The following CACNA2D3 variants were observed in gnomAD, a reference collection of about 807,000 sequenced individuals.
CACNA2D3 encodes calcium voltage-gated channel auxiliary subunit alpha2delta 3.
In CACNA2D3, 60 loss-of-function variants were observed where a neutral mutation model predicts 160.6. The ratio of observed to expected loss-of-function variants is 0.37; its 90% confidence interval spans 0.30 to 0.46. The LOEUF is 0.46. Ranked by LOEUF, CACNA2D3 falls within the 20% of genes least tolerant of loss-of-function variation. The pLI, the probability that CACNA2D3 is intolerant of heterozygous loss-of-function variation, is 1.00. For missense variants in CACNA2D3, 1,205 were observed against 1,365.0 expected, an observed-to-expected ratio of 0.88 and a Z score of 1.85; for synonymous variants, 558 against 492.9, an observed-to-expected ratio of 1.13 and a Z score of -1.75.
intron 4 of CACNA2D3, among the ~76,000 whole-genome samples, chr3:54,405,073 G>A (rs1218102237): frequency 6.7e-6 from 1 of 149,942 alleles, no homozygotes; most frequent in African/African-American, 2.5e-5. Context: ...TTGTTAAAAT[G>A]TCTATACTAT....
intron 5 of CACNA2D3, among the ~76,000 whole-genome samples, chr3:54,519,180 G>A (rs1701606273): frequency 6.6e-6 from 1 of 152,264 alleles, no homozygotes; most frequent in African/African-American, 2.4e-5. Flanking sequence ...TGTTGTGAAG[G>A]CCAGCCATTT....
intron 11 of CACNA2D3, among the ~76,000 whole-genome samples, chr3:54,701,201 C>T (rs913334028): frequency 5.9e-5 from 9 of 152,178 alleles, no homozygotes; most frequent in Admixed American, 2.0e-4. Flanking sequence ...TTTCTACCAA[C>T]TAAGATGTGT....
chr3:54,154,137 C>T (rs530320541), intron 2 of CACNA2D3, among the ~76,000 whole-genome samples: 22 of 152,318 alleles, frequency 1.4e-4, no homozygotes, highest in East Asian at 9.6e-4. Flanking sequence ...CTAATTTTAA[C>T]GCTCTTTTAC....
chr3:54,924,480 C>A, intron 27 of CACNA2D3: 1 of 679,142 alleles, frequency 1.5e-6, no homozygotes, highest in South Asian at 2.1e-5. Flanking sequence ...TTTGCCATAC[C>A]GTGAAATGGC....
chr3:54,934,207 C>T (rs1421771090), intron 27 of CACNA2D3, among the ~76,000 whole-genome samples: 2 of 152,154 alleles, frequency 1.3e-5, no homozygotes, highest in Non-Finnish European at 2.9e-5. Flanking sequence ...TTAAGGGAAC[C>T]TATAGTTGTA....
chr3:54,758,258 T>C (rs1318180349), intron 12 of CACNA2D3, among the ~76,000 whole-genome samples: 1 of 152,216 alleles, frequency 6.6e-6, no homozygotes, highest in African/African-American at 2.4e-5. Flanking sequence ...TGTGTACCTT[T>C]AGATTGTTTT....
chr3:54,215,434 T>A (rs988397723), intron 2 of CACNA2D3, among the ~76,000 whole-genome samples: 1 of 152,230 alleles, frequency 6.6e-6, no homozygotes, highest in Non-Finnish European at 1.5e-5. Flanking sequence ...ATCTCCAGAA[T>A]GTGTTCGTCG....
Position 55,074,334 on chromosome 3 carries a change from A to ATGATTTTAAACTGTGCG in CACNA2D3, c.*133_*149dup. The stretch of plus-strand genomic sequence containing the variant: ...ATAGTCCAACCATCAGCATCTCATC[A>ATGATTTTAAACTGTGCG]TGATTTTAAACTGTGCGTGATATAA... On this transcript the variant is annotated 3_prime_UTR_variant, in exon 38 of 38. Transcript: ENST00000474759. The ATGATTTTAAACTGTGCG allele has an allele frequency of 1.3e-6, 1 of 754,640 alleles. No homozygotes were observed. Among genetic ancestry groups the ATGATTTTAAACTGTGCG allele is most frequent in the East Asian group, 2.5e-5 (1 of 40,136 alleles). The allele number at this position is 754,640 out of a possible 1,614,324, so 46.7% of individuals were successfully genotyped here.
At chr3:54,301,592 A>G (rs528531182) in intron 2 of CACNA2D3, among the ~76,000 whole-genome samples, 20 of 152,358 alleles carry the variant, frequency 1.3e-4, no homozygotes, top group African/African-American at 4.3e-4. Flanking sequence ...GAAAGTTGCA[A>G]TTACTAGTTG....
intron 11 of CACNA2D3, among the ~76,000 whole-genome samples, chr3:54,677,644 CGTCTA>C (rs1700268561): frequency 6.6e-6 from 1 of 150,388 alleles, no homozygotes; most frequent in East Asian, 1.9e-4. Context: ...CGTACTTACT[CGTCTA>C]GTCTCTCTCC....
chr3:54,721,628 G>A (rs1163883217), intron 11 of CACNA2D3, among the ~76,000 whole-genome samples: 1 of 151,962 alleles, frequency 6.6e-6, no homozygotes, highest in East Asian at 1.9e-4. Context: ...AGGCGTGGTG[G>A]TAGGCACCTG....
chr3:54,919,421 G>C (rs1348671822), intron 27 of CACNA2D3, among the ~76,000 whole-genome samples: 1 of 152,246 alleles, frequency 6.6e-6, no homozygotes, highest in Non-Finnish European at 1.5e-5. Flanking sequence ...GTCTTGGAGT[G>C]ATCTGTGGAT....
chr3:54,209,224 T>C, intron 2 of CACNA2D3, among the ~76,000 whole-genome samples: 1 of 152,190 alleles, frequency 6.6e-6, no homozygotes, highest in Admixed American at 6.5e-5. Flanking sequence ...TTGGAAGATT[T>C]CAAGATAGGC....
At chr3:54,401,460 A>G (rs749991354) in intron 4 of CACNA2D3, among the ~76,000 whole-genome samples, 4 of 152,252 alleles carry the variant, frequency 2.6e-5, no homozygotes, top group Admixed American at 6.5e-5. Context: ...TAATTAAACT[A>G]TCAAAAGTCA....
chr3:54,426,484 T>C (rs1699914161), intron 4 of CACNA2D3, among the ~76,000 whole-genome samples: 1 of 152,254 alleles, frequency 6.6e-6, no homozygotes, highest in East Asian at 1.9e-4. Context: ...TTCCCTTAAA[T>C]ATTTTGAATA....
chr3:54,945,772 A>G (rs1701596932), intron 27 of CACNA2D3, among the ~76,000 whole-genome samples: 1 of 152,142 alleles, frequency 6.6e-6, no homozygotes, highest in Non-Finnish European at 1.5e-5. Context: ...GTCCTGGGCC[A>G]TTGTATGTTG....
At chr3:54,585,448 G>GA (rs1217401849) in intron 9 of CACNA2D3, among the ~76,000 whole-genome samples, 4 of 151,992 alleles carry the variant, frequency 2.6e-5, no homozygotes, top group Admixed American at 2.0e-4. Flanking sequence ...GGATGAATAG[G>GA]AAAAAAATAA....
At chr3:54,252,711 C>G (rs1244956208) in intron 2 of CACNA2D3, among the ~76,000 whole-genome samples, 1 of 152,194 alleles carries the variant, frequency 6.6e-6, no homozygotes, top group African/African-American at 2.4e-5. Flanking sequence ...TGCCATCTCC[C>G]TGTGTCCCCC....
chr3:54,222,352 G>A (rs537033534), intron 2 of CACNA2D3, among the ~76,000 whole-genome samples: 18 of 152,294 alleles, frequency 1.2e-4, no homozygotes, highest in Non-Finnish European at 2.2e-4. Flanking sequence ...GTTCAAGTGT[G>A]AAGGCAGGAA....
Sources: allele counts gnomAD v4.1 joint callset (sites outside exome capture counted in the v4.1 genomes callset), GRCh38; gene constraint gnomAD v4.1.1; transcripts MANE v1.5; gene names NCBI Gene and HGNC (gene_info 2026-07-23, HGNC 2026-07-21).